The following SBNO1 variants were observed in gnomAD, a reference collection of about 807,000 sequenced individuals.
SBNO1 encodes protein strawberry notch homolog 1.
Under a neutral mutation model 173.6 loss-of-function variants are expected in SBNO1, and 23 were observed. The ratio of observed to expected loss-of-function variants is 0.13; its 90% CI spans 0.10 to 0.19. The LOEUF (loss-of-function observed/expected upper bound fraction) is 0.19, where lower values mean the gene tolerates loss of function less well. Among genes scored for constraint, SBNO1 ranks in the 10% least tolerant of loss-of-function variants. The pLI is 1.00. For synonymous variants in SBNO1, 632 were observed against 571.5 expected, an observed-to-expected ratio of 1.11 and a Z score of -1.51; for missense variants, 1,238 against 1,671.2, an observed-to-expected ratio of 0.74 and a Z score of 4.52.
At chr12:123,332,312 A>G (rs1480795294) in intron 7 of SBNO1, among the ~76,000 whole-genome samples, 3 of 152,040 alleles carry the variant, frequency 2.0e-5, no homozygotes, top group African/African-American at 7.3e-5. Flanking sequence ...TTTGTTTTTG[A>G]GACAGTTTTG....
rs928715778 is a variant in SBNO1 at position 123,302,232 on chromosome 12, CTTA to C, written c.3845+589_3845+591del. 4.0e-5 allele frequency among the ~76,000 whole-genome samples: 6 copies of C among 148,792 alleles called. No individual in the cohort carries two copies. The South Asian group carries it at 6.5e-4, about 16-fold the overall frequency. On this transcript the variant is annotated intron_variant, in intron 30 of 31. Transcript: ENST00000602398. ...ACAGGCGTAAGCCACCACACCTGGC[CTTA>C]TTGTTTTTTTTTTTGTTTTTTTTTT...
rs867867089 is a variant in SBNO1 at position 123,311,716 on chromosome 12, C to A, written c.3221-587G>T. On this transcript the variant is annotated intron_variant, in intron 24 of 31. Transcript: ENST00000602398. ...CCTATCTATCTATCTATCTATCTATCTATCTATATATATATATATATATAT... is the reference window on the plus strand; with the variant it reads ...CCTATCTATCTATCTATCTATCTATATATCTATATATATATATATATATAT... Among the ~76,000 whole-genome samples, 210 of 60,792 alleles carry A rather than the reference C, an allele frequency of 3.5e-3. 1 individual carries two copies. Among genetic ancestry groups the A allele is most frequent in the African/African-American group, 0.011 (196 of 18,086 alleles). 39.9% of individuals were successfully genotyped at this position (60,792 alleles called of 152,430 possible). A position where few individuals can be genotyped will look rare whatever the true frequency, so the allele number is the denominator to read the frequency against.
At chr12:123,319,782 C>G in intron 20 of SBNO1, 118 bp downstream of exon 20, 1 of 842,012 alleles carries the variant, frequency 1.2e-6, no homozygotes, top group African/African-American at 1.7e-5. Flanking sequence ...CTAAAAAATA[C>G]AGAATGACAA....
chr12:123,299,698 A>AAAAAAAAAAAAAG, intron 30 of SBNO1, among the ~76,000 whole-genome samples: 1 of 151,142 alleles, frequency 6.6e-6, no homozygotes, highest in East Asian at 2.0e-4. Flanking sequence ...AAAAAAAAAA[A>AAAAAAAAAAAAAG]ACAAAAAAGC....
chr12:123,348,212 A>T, intron 2 of SBNO1, 79 bp from the exon 3 acceptor site: 1 of 709,628 alleles, frequency 1.4e-6, no homozygotes, highest in Non-Finnish European at 2.4e-6. Context: ...TGCATTTATT[A>T]AAAAATATCA....
chr12:123,345,745 C>T (rs1262896813), intron 3 of SBNO1, among the ~76,000 whole-genome samples, 175 bp from the exon 4 acceptor site: 1 of 152,074 alleles, frequency 6.6e-6, no homozygotes, highest in Non-Finnish European at 1.5e-5. Flanking sequence ...TCATAGCTCA[C>T]TGCAGCCTTG....
At chr12:123,331,407 T>C in intron 7 of SBNO1, 32 bp from the exon 8 acceptor site, 16 of 1,604,244 alleles carry the variant, frequency 1.0e-5, no homozygotes, top group East Asian at 2.2e-5. Flanking sequence ...ATTAATATAA[T>C]CCTTCAGATA....
chr12:123,328,667 C>T (rs556524638), intron 10 of SBNO1, 67 bp downstream of exon 10: 2 of 1,226,298 alleles, frequency 1.6e-6, no homozygotes, highest in Admixed American at 5.5e-5. Context: ...TCCTGTTTCC[C>T]AAAGGTCTAC....
At chr12:123,336,348 C>A in intron 6 of SBNO1, 47 bp downstream of exon 6, 1 of 1,167,482 alleles carries the variant, frequency 8.6e-7, no homozygotes, top group East Asian at 2.5e-5. Context: ...CCAAAGAAAC[C>A]ACAGGAAAAC....
At chr12:123,333,995 A>C (rs1871538173) in intron 7 of SBNO1, 58 bp downstream of exon 7, 1 of 1,132,336 alleles carries the variant, frequency 8.8e-7, no homozygotes. Context: ...GATTGAAACA[A>C]CTCTGTTATA....
rs11057256 is a variant in SBNO1, at chr12:123,311,689, A to T, written c.3221-560T>A. Among the ~76,000 whole-genome samples the T allele has an allele frequency of 6.6e-5, 7 of 106,230 alleles. 1 individual carries two copies. The South Asian group carries it at 1.3e-3, about 19-fold the overall frequency. The allele number at this position is 106,230 out of a possible 152,430, so 69.7% of individuals were successfully genotyped here. A position where few individuals can be genotyped will look rare whatever the true frequency, so the allele number is the denominator to read the frequency against. On this transcript the variant is annotated intron_variant, in intron 24 of 31. Transcript: ENST00000602398. ...CTGTCATTACTTATAATAAACAAGT[A>T]ACCTATCTATCTATCTATCTATCTA...
chr12:123,340,926 A>C (rs981963756), intron 5 of SBNO1, 62 bp downstream of exon 5: 4 of 1,032,252 alleles, frequency 3.9e-6, no homozygotes, highest in Admixed American at 4.4e-5. Context: ...CATATAGAAC[A>C]CTTTTAGTTG....
intron 3 of SBNO1, 148 bp from the exon 4 acceptor site, chr12:123,345,718 T>A: frequency 1.4e-6 from 1 of 722,726 alleles, no homozygotes; most frequent in South Asian, 1.9e-5. Flanking sequence ...CATTCTGTCA[T>A]GCAGGCTGAA....
At chr12:123,301,990 G>C (rs1051825325) in intron 30 of SBNO1, among the ~76,000 whole-genome samples, 5 of 151,890 alleles carry the variant, frequency 3.3e-5, no homozygotes, top group Non-Finnish European at 5.9e-5. Flanking sequence ...GCCCAGGCTG[G>C]AGTGCAGTGG....
rs1873713817 is a variant in SBNO1 at position 123,350,194 on chromosome 12, C to CT, written c.132+115_132+116insA. On this transcript the variant is annotated intron_variant, in intron 2 of 31. Coordinates refer to ENST00000602398, the MANE Select transcript of SBNO1 (RefSeq NM_001167856.3). ...GTTTGAGCCTGGGAGGTTGAGGCTTCAGTAAGCCATGACTGCACCACTGCA... is the reference window on the plus strand; with the variant it reads ...GTTTGAGCCTGGGAGGTTGAGGCTTCTAGTAAGCCATGACTGCACCACTGCA... 8 of 1,190,866 alleles carry CT rather than the reference C, an allele frequency of 6.7e-6. No individual in the cohort carries two copies. The East Asian group carries it at 1.9e-4, about 28-fold the overall frequency. The allele number at this position is 1,190,866 out of a possible 1,614,324, so 73.8% of individuals were successfully genotyped here.
chr12:123,345,134 C>G (rs1180651139), intron 4 of SBNO1, 124 bp downstream of exon 4: 8 of 788,666 alleles, frequency 1.0e-5, no homozygotes, highest in Non-Finnish European at 1.6e-5. Context: ...TGTAAGTACG[C>G]AAAATAATGC....
In SBNO1 at chr12:123,315,374, T is replaced by G; in HGVS notation, c.3119A>C (p.Lys1040Thr). 6.2e-7 allele frequency: 1 copy of G among 1,606,322 alleles called. No homozygotes were observed. The highest frequency in any genetic ancestry group is 8.5e-7 in the Non-Finnish European group (1 of 1,173,246). ...GAGATACTGAAAATTGAAATGTACC[T>G]TATTATCAAAGTTGAACCTGCTCAG... is the stretch of plus-strand genomic sequence containing the variant. Reference protein sequence around the residue: ...RDLSRFNFDNKYGRNALEIVM... With the variant: ...RDLSRFNFDNTYGRNALEIVM... The change falls in exon 23 of 32, where the codon AAG (lysine) becomes ACG (threonine). Residue 1040 changes from lysine (K) to threonine (T), a missense_variant and splice_region_variant. Lys to Thr is a moderately conservative substitution (Grantham distance 78). Around this residue, in one of 14 missense-constraint regions of SBNO1, gnomAD observed 39 missense variants for 129.7 expected, o/e 0.30. Transcript: ENST00000602398.
chr12:123,358,801 T>C (rs2139102577), intron 1 of SBNO1, among the ~76,000 whole-genome samples: 1 of 149,372 alleles, frequency 6.7e-6, no homozygotes, highest in East Asian at 2.0e-4. Flanking sequence ...AAAGGGAGCT[T>C]GGAATAGAAT....
intron 28 of SBNO1, among the ~76,000 whole-genome samples, chr12:123,305,818 G>C (rs1040026907): frequency 6.6e-5 from 10 of 152,054 alleles, no homozygotes; most frequent in Non-Finnish European, 1.3e-4. Context: ...AACTTTAAGA[G>C]GAAGGAGTTA....
Sources: allele counts gnomAD v4.1 joint callset (sites outside exome capture counted in the v4.1 genomes callset), GRCh38; gene constraint gnomAD v4.1.1; regional missense constraint gnomAD v4.1.1; transcripts MANE v1.5; gene names NCBI Gene and HGNC (gene_info 2026-07-23, HGNC 2026-07-21).